The following RYR3 variants were observed in gnomAD, a reference collection of about 807,000 sequenced individuals.
The protein encoded by RYR3 is brain ryanodine receptor-calcium release channel.
Under a neutral mutation model 584.3 loss-of-function variants are expected in RYR3, and 207 were observed. The observed-to-expected ratio is 0.35, with a 90% confidence interval of 0.32 to 0.40. RYR3 has a LOEUF of 0.40. Among genes scored for constraint, RYR3 ranks in the 10% least tolerant of loss-of-function variants. RYR3 has a pLI of 1.00. For missense variants in RYR3, 5,616 were observed against 6,089.2 expected, an observed-to-expected ratio of 0.92 and a Z score of 2.59; for synonymous variants, 2,416 against 2,248.5, an observed-to-expected ratio of 1.07 and a Z score of -2.11.
intron 49 of RYR3, among the ~76,000 whole-genome samples, chr15:33,737,843 A>T (rs1315823587): frequency 6.6e-6 from 1 of 152,096 alleles, no homozygotes; most frequent in Non-Finnish European, 1.5e-5. Flanking sequence ...GAGGACATGG[A>T]TCACACCTGC....
intron 1 of RYR3, among the ~76,000 whole-genome samples, chr15:33,314,200 G>A (rs894789856): frequency 6.6e-6 from 1 of 152,186 alleles, no homozygotes; most frequent in Non-Finnish European, 1.5e-5. Context: ...TGACAGTCAT[G>A]TATGCCAGTT....
chr15:33,823,078 T>C lies in RYR3; in HGVS notation c.11072+6T>C, dbSNP rs769404113. 1 of 1,611,330 alleles carries C rather than the reference T, an allele frequency of 6.2e-7. No individual in the cohort carries two copies. The highest frequency in any genetic ancestry group is 1.7e-5 in the Admixed American group (1 of 59,646). On this transcript the variant is annotated splice_donor_region_variant and intron_variant, in intron 81 of 103. Coordinates refer to ENST00000634891, the MANE Select transcript of RYR3 (RefSeq NM_001036.6). ...GGTCTTATGCAGTCTTGCAGGTAAATGCGGGAAAACTACCATAGCATTTAA... is the reference window on the plus strand; with the variant it reads ...GGTCTTATGCAGTCTTGCAGGTAAACGCGGGAAAACTACCATAGCATTTAA...
intron 1 of RYR3, among the ~76,000 whole-genome samples, chr15:33,415,969 CTG>C (rs1297053272): frequency 6.6e-6 from 1 of 152,116 alleles, no homozygotes; most frequent in Non-Finnish European, 1.5e-5. Flanking sequence ...GTTTCTGTTT[CTG>C]TGTTAATTCA....
At chr15:33,561,376 G>T (rs2057390335) in intron 10 of RYR3, among the ~76,000 whole-genome samples, 1 of 152,208 alleles carries the variant, frequency 6.6e-6, no homozygotes, top group Non-Finnish European at 1.5e-5. Context: ...AGGGTGAGTA[G>T]TAGTTTAGAG....
Position 33,738,538 on chromosome 15 carries a change from T to C in RYR3, c.7604T>C (p.Leu2535Pro). ...GSYGLAVEEE[L>P]HLTEKLFWGI... The stretch of plus-strand genomic sequence containing the variant: ...TACGGGCTAGCTGTGGAAGAAGAGC[T>C]GCACCTAACGGAGAAGCTTTTCTGG... Residue 2535 changes from leucine (L) to proline (P), a missense_variant, in exon 50 of 104, where the codon CTG becomes CCG. This residue lies in a region of RYR3 where 1,280 missense variants were observed against 1,426.2 expected (regional missense o/e 0.90). Coordinates refer to ENST00000634891, the MANE Select transcript of RYR3 (RefSeq NM_001036.6). 1.2e-6 allele frequency: 2 copies of C among 1,614,006 alleles called. No individual in the cohort carries two copies. Among genetic ancestry groups the C allele is most frequent in the Non-Finnish European group, 1.7e-6 (2 of 1,179,880 alleles).
chr15:33,502,242 G>A (rs76170821), intron 2 of RYR3, among the ~76,000 whole-genome samples: 4,633 of 152,246 alleles, frequency 0.03, 218 homozygotes, highest in African/African-American at 0.1. Context: ...GTTGGGAGGG[G>A]AGGAAGAATA....
intron 1 of RYR3, among the ~76,000 whole-genome samples, chr15:33,314,162 A>G (rs1967750028): frequency 6.6e-6 from 1 of 152,220 alleles, no homozygotes; most frequent in Admixed American, 6.5e-5. Context: ...CTAAAACTAT[A>G]TACCCTCTTC....
intron 42 of RYR3, among the ~76,000 whole-genome samples, chr15:33,705,419 C>T (rs1323527908): frequency 1.4e-5 from 2 of 147,726 alleles, no homozygotes; most frequent in East Asian, 1.9e-4. Context: ...ATGTGCTAGG[C>T]CCTGGAGGTT....
At chr15:33,661,196 C>T (rs1209738227) in intron 34 of RYR3, among the ~76,000 whole-genome samples, 1 of 152,018 alleles carries the variant, frequency 6.6e-6, no homozygotes, top group Non-Finnish European at 1.5e-5. Context: ...GTCCTCAAAT[C>T]CATGAGGAGT....
At chr15:33,848,131 A>G (rs2078842605) in intron 93 of RYR3, among the ~76,000 whole-genome samples, 160 bp from the exon 94 acceptor site, 1 of 152,196 alleles carries the variant, frequency 6.6e-6, no homozygotes, top group African/African-American at 2.4e-5. Flanking sequence ...TTAGCCAAAG[A>G]GATTCATTTG....
In RYR3 at chr15:33,390,121, G is replaced by A. The variant is rs1420306301; in HGVS notation, c.51+79025G>A. ...CGCCGGATGAATTGGCTTCACTGCT[G>A]GAAATCTGTACTGTTATTCCAAGCA... On this transcript the variant is annotated intron_variant, in intron 1 of 103. Transcript: ENST00000634891. The surrounding 1 kb of genome is among the most constrained non-coding windows in gnomAD (Gnocchi z 4.2). 6.6e-6 allele frequency among the ~76,000 whole-genome samples: 1 copy of A among 152,166 alleles called. No individual in the cohort carries two copies. The highest frequency in any genetic ancestry group is 1.5e-5 in the Non-Finnish European group (1 of 68,028).
intron 48 of RYR3, among the ~76,000 whole-genome samples, chr15:33,734,462 A>G (rs1433917753): frequency 6.6e-6 from 1 of 152,154 alleles, no homozygotes; most frequent in East Asian, 1.9e-4. Context: ...AATCGTTTCC[A>G]TCAGCTTTAA....
In RYR3 at chr15:33,311,437, A is replaced by G. The variant is rs1161392850; in HGVS notation, c.51+341A>G. On this transcript the variant is annotated intron_variant, in intron 1 of 103. Transcript: ENST00000634891. This position sits in a 1 kb window ranked among gnomAD's most constrained non-coding sequence, Gnocchi z 4.4. Reference sequence around the variant, plus strand: ...GGTTTGTTCGCGGTTGTCCTGACCCATAAGATCGGCGTTGGAAGCCCTCGC... The same window carrying G: ...GGTTTGTTCGCGGTTGTCCTGACCCGTAAGATCGGCGTTGGAAGCCCTCGC... Among the ~76,000 whole-genome samples, 2 of 152,178 alleles carry G rather than the reference A, an allele frequency of 1.3e-5. No individual in the cohort carries two copies. Among genetic ancestry groups the G allele is most frequent in the South Asian group, 2.1e-4 (1 of 4,832 alleles).
chr15:33,772,190 T>C (rs1379864501), intron 63 of RYR3, 32 bp downstream of exon 63: 1 of 1,435,960 alleles, frequency 7.0e-7, no homozygotes, highest in Admixed American at 1.7e-5. Flanking sequence ...CGTGGATGTA[T>C]GTGCACATGG....
intron 1 of RYR3, among the ~76,000 whole-genome samples, chr15:33,362,661 T>C (rs1462052112): frequency 6.6e-6 from 1 of 152,202 alleles, no homozygotes; most frequent in East Asian, 1.9e-4. Flanking sequence ...ATACAGTGTT[T>C]GAATTGAGCT....
At chr15:33,596,123 A>G (rs2059359348) in intron 16 of RYR3, among the ~76,000 whole-genome samples, 1 of 148,258 alleles carries the variant, frequency 6.7e-6, no homozygotes, top group Admixed American at 6.7e-5. Flanking sequence ...CGTCTTTTTT[A>G]TTCCTGGTTC....
chr15:33,749,787 A>G (rs1406122036), intron 55 of RYR3, among the ~76,000 whole-genome samples, 192 bp from the exon 56 acceptor site: 2 of 152,202 alleles, frequency 1.3e-5, no homozygotes, highest in East Asian at 1.9e-4. Context: ...ATTGTTTTCT[A>G]TGTGTATGGG....
chr15:33,610,476 G>A (rs919830264), intron 18 of RYR3, among the ~76,000 whole-genome samples: 13 of 152,166 alleles, frequency 8.5e-5, no homozygotes, highest in African/African-American at 2.2e-4. Context: ...CCCAGGTGTA[G>A]TATCTGGCAC....
chr15:33,557,557 G>GTTAT (rs2152473923), intron 10 of RYR3, among the ~76,000 whole-genome samples: 1 of 152,132 alleles, frequency 6.6e-6, no homozygotes, highest in African/African-American at 2.4e-5. Context: ...GCTAATTTTT[G>GTTAT]TATTTTTAGT....
Sources: allele counts gnomAD v4.1 joint callset (sites outside exome capture counted in the v4.1 genomes callset), GRCh38; gene constraint gnomAD v4.1.1; regional missense constraint gnomAD v4.1.1; non-coding constraint Gnocchi (gnomAD v3.1); transcripts MANE v1.5; gene names NCBI Gene and HGNC (gene_info 2026-07-23, HGNC 2026-07-21).